Variants in SEMA6D observed in about 807,000 individuals in gnomAD.
SEMA6D encodes semaphorin-6D.
In SEMA6D, 35 loss-of-function variants were observed where a neutral mutation model predicts 106.6. That is an observed-to-expected ratio of 0.33 (90% CI 0.25 to 0.44). The LOEUF is 0.44. Among genes scored for constraint, SEMA6D ranks in the 20% least tolerant of loss-of-function variants. The pLI, the probability that SEMA6D is intolerant of heterozygous loss-of-function variation, is 1.00. For missense variants in SEMA6D, 1,185 were observed against 1,345.9 expected (o/e 0.88, Z 1.87); for synonymous variants, 499 against 487.7 (o/e 1.02, Z -0.31).
At chr15:47,242,460 T>C (rs1021608942) in intron 1 of SEMA6D, among the ~76,000 whole-genome samples, 4 of 152,170 alleles carry the variant, frequency 2.6e-5, no homozygotes, top group Admixed American at 6.6e-5. Flanking sequence ...TTCTGCATAA[T>C]ACTTTGTAGA....
intron 1 of SEMA6D, among the ~76,000 whole-genome samples, chr15:47,186,079 A>C (rs1893550726): frequency 6.6e-6 from 1 of 152,134 alleles, no homozygotes; most frequent in Admixed American, 6.5e-5. Context: ...GTGCATGTAT[A>C]TATATGTGTG....
intron 10 of SEMA6D, 43 bp from the exon 11 acceptor site, chr15:47,764,130 CT>C: frequency 1.2e-6 from 2 of 1,612,812 alleles, no homozygotes; most frequent in African/African-American, 1.3e-5. Flanking sequence ...CCAAGACAGG[CT>C]TCATGTCGCC....
chr15:47,277,768 A>C (rs907671305), intron 1 of SEMA6D, among the ~76,000 whole-genome samples: 9 of 149,072 alleles, frequency 6.0e-5, no homozygotes, highest in South Asian at 2.1e-4. Context: ...CCCCCTCCCC[A>C]CACCCCACAA....
rs773092231 is a variant in SEMA6D, at chr15:47,771,071, C to T, written c.2508C>T (p.Asp836=). Residue 836 remains aspartate (D), a synonymous_variant, in exon 19 of 19, where the codon GAC becomes GAT. Coordinates refer to ENST00000536845, the MANE Select transcript of SEMA6D (RefSeq NM_001358351.3). The stretch of plus-strand genomic sequence containing the variant: ...TTGTTCTTCCAAATGCTACCCATGA[C>T]TACAACACGTCTTTCTCAAACTCCA... ...SAIVLPNATH[D]YNTSFSNSNA... The T allele has an allele frequency of 1.9e-6, 3 of 1,614,172 alleles. No individual in the cohort carries two copies. In the South Asian group the frequency reaches 3.3e-5, roughly 18 times the overall value.
intron 3 of SEMA6D, among the ~76,000 whole-genome samples, chr15:47,471,279 G>A (rs185425790): frequency 7.9e-5 from 12 of 152,204 alleles, no homozygotes; most frequent in African/African-American, 2.9e-4. Context: ...TGAAATCATT[G>A]CTGACTCTTA....
chr15:47,610,708 T>G (rs2143836840), intron 4 of SEMA6D, among the ~76,000 whole-genome samples: 1 of 152,340 alleles, frequency 6.6e-6, no homozygotes, highest in South Asian at 2.1e-4. Flanking sequence ...TTAATATAAG[T>G]AGCAATACTC....
intron 1 of SEMA6D, among the ~76,000 whole-genome samples, chr15:47,254,736 T>C (rs2033704490): frequency 6.6e-6 from 1 of 152,206 alleles, no homozygotes; most frequent in Admixed American, 6.5e-5. Flanking sequence ...TTGCCCATTT[T>C]GAATCATCTT....
At chr15:47,418,229 G>T (rs886458591) in intron 2 of SEMA6D, among the ~76,000 whole-genome samples, 2 of 152,066 alleles carry the variant, frequency 1.3e-5, no homozygotes, top group Non-Finnish European at 2.9e-5. Context: ...AACAGTAAGT[G>T]CAAAAGCTCT....
chr15:47,532,773 A>G (rs2045017259), intron 3 of SEMA6D, among the ~76,000 whole-genome samples: 1 of 152,304 alleles, frequency 6.6e-6, no homozygotes, highest in African/African-American at 2.4e-5. Context: ...TCTCAGTTTC[A>G]TTGAAATCTT....
At chr15:47,287,950 A>G (rs1259709161) in intron 1 of SEMA6D, among the ~76,000 whole-genome samples, 1 of 152,050 alleles carries the variant, frequency 6.6e-6, no homozygotes, top group African/African-American at 2.4e-5. Context: ...TGGAAGACAA[A>G]GGGGGAGATG....
At chr15:47,655,156 G>T (rs1834873197) in intron 4 of SEMA6D, among the ~76,000 whole-genome samples, 2 of 152,206 alleles carry the variant, frequency 1.3e-5, no homozygotes, top group African/African-American at 4.8e-5. Context: ...TGAAGAAGAT[G>T]TAGTGAATTT....
chr15:47,532,356 T>A (rs550277921), intron 3 of SEMA6D, among the ~76,000 whole-genome samples: 1 of 152,368 alleles, frequency 6.6e-6, no homozygotes, highest in South Asian at 2.1e-4. Flanking sequence ...GAAGTGCATC[T>A]GACTTTCCTG....
chr15:47,650,472 T>G (rs1297931454), intron 4 of SEMA6D, among the ~76,000 whole-genome samples: 2 of 152,190 alleles, frequency 1.3e-5, no homozygotes, highest in African/African-American at 4.8e-5. Flanking sequence ...TAACATTACA[T>G]ATGTATATAG....
chr15:47,606,236 CCCCTTGGAGA>C (rs1363394680), intron 4 of SEMA6D: 2 of 152,204 alleles, frequency 1.3e-5, no homozygotes, highest in Non-Finnish European at 2.9e-5. Flanking sequence ...CCTCCCCTTC[CCCCTTGGAGA>C]CCAGTCCTTA....
At chr15:47,493,459 A>T (rs1448837363) in intron 3 of SEMA6D, among the ~76,000 whole-genome samples, 1 of 152,182 alleles carries the variant, frequency 6.6e-6, no homozygotes, top group East Asian at 1.9e-4. Flanking sequence ...AAGGCACTTT[A>T]CAATATATCT....
rs765014195 is a variant in SEMA6D at position 47,764,208 on chromosome 15, G to C, written c.1000G>C (p.Asp334His). ...PGSAVCAFSM[D>H]DIEKVFKGRF... ...TTCTGCTGTCTGTGCATTTAGCATG[G>C]ATGACATTGAAAAAGTATTCAAAGG... The change falls in exon 11 of 19, where the codon GAT becomes CAT. Residue 334 changes from aspartate (D) to histidine (H), a missense_variant. Asp to His is a moderately conservative substitution (Grantham distance 81, BLOSUM62 -1). Coordinates refer to ENST00000536845, the MANE Select transcript of SEMA6D (RefSeq NM_001358351.3). The C allele has an allele frequency of 6.2e-7, 1 of 1,613,772 alleles. No homozygotes were observed. The highest frequency in any genetic ancestry group is 8.5e-7 in the Non-Finnish European group (1 of 1,179,786).
chr15:47,276,286 A>G (rs1050825083), intron 1 of SEMA6D, among the ~76,000 whole-genome samples: 3 of 152,154 alleles, frequency 2.0e-5, no homozygotes, highest in African/African-American at 7.2e-5. Flanking sequence ...GGCTACTCTA[A>G]ACAACAGATT....
chr15:47,420,106 G>C (rs770032266), intron 2 of SEMA6D, among the ~76,000 whole-genome samples: 1 of 152,100 alleles, frequency 6.6e-6, no homozygotes, highest in Non-Finnish European at 1.5e-5. Flanking sequence ...GATGTGCTCA[G>C]AACACACAGA....
chr15:47,247,823 C>T (rs975307304), intron 1 of SEMA6D, among the ~76,000 whole-genome samples: 1 of 152,160 alleles, frequency 6.6e-6, no homozygotes, highest in African/African-American at 2.4e-5. Flanking sequence ...GATTATCAGA[C>T]CGTGTGGGGT....
Sources: allele counts gnomAD v4.1 joint callset (sites outside exome capture counted in the v4.1 genomes callset), GRCh38; gene constraint gnomAD v4.1.1; transcripts MANE v1.5; gene names NCBI Gene and HGNC (gene_info 2026-07-23, HGNC 2026-07-21).